The following EBPL variants were observed in gnomAD, a reference collection of about 807,000 sequenced individuals.
EBPL encodes emopamil-binding protein-like.
In EBPL, 20 loss-of-function variants were observed where a neutral mutation model predicts 19.0. That is an observed-to-expected ratio of 1.05 (90% CI 0.74 to 1.53). The LOEUF (loss-of-function observed/expected upper bound fraction) is 1.53. Among genes scored for constraint, EBPL ranks in the 40% most tolerant of loss-of-function variants. EBPL has a pLI of 0.00. For missense variants in EBPL, 219 were observed against 261.1 expected, an observed-to-expected ratio of 0.84 and a Z score of 1.11; for synonymous variants, 107 against 117.0, an observed-to-expected ratio of 0.91 and a Z score of 0.55.
chr13:49,673,140 G>A (rs997848197), intron 1 of EBPL, among the ~76,000 whole-genome samples: 1 of 152,004 alleles, frequency 6.6e-6, no homozygotes, highest in African/African-American at 2.4e-5. Flanking sequence ...TGGCAACATC[G>A]AATACTGGTG....
chr13:49,678,165 G>T (rs1472335608), intron 1 of EBPL, among the ~76,000 whole-genome samples: 2 of 152,168 alleles, frequency 1.3e-5, no homozygotes, highest in Non-Finnish European at 2.9e-5. Flanking sequence ...GTGCGTTTAC[G>T]AACCTTGAGC....
chr13:49,682,982 T>C (rs1318655643), intron 1 of EBPL, among the ~76,000 whole-genome samples: 1 of 152,022 alleles, frequency 6.6e-6, no homozygotes, highest in Non-Finnish European at 1.5e-5. Context: ...CATTCATCCA[T>C]GAATTTATTG....
chr13:49,679,460 G>A lies in EBPL; in HGVS notation c.172-9614C>T, dbSNP rs527565216. Reference sequence around the variant, plus strand: ...AATTGGGAAGGCAGGGCTCCACTAGGTGTCAGGCGTGATATGGTTAAGCTT... The same window carrying A: ...AATTGGGAAGGCAGGGCTCCACTAGATGTCAGGCGTGATATGGTTAAGCTT... On this transcript the variant is annotated intron_variant, in intron 1 of 3. Transcript: ENST00000242827. Among the ~76,000 whole-genome samples, 5 of 152,316 alleles carry A rather than the reference G, an allele frequency of 3.3e-5. No homozygotes were observed. The East Asian group carries it at 7.7e-4, about 24-fold the overall frequency.
At position 49,666,050 on chromosome 13, in the gene EBPL, T is replaced by C. The variant is rs191322562; in HGVS notation, c.242-2855A>G. 5.1e-4 allele frequency among the ~76,000 whole-genome samples: 78 copies of C among 152,290 alleles called. 1 individual carries two copies. Among genetic ancestry groups the C allele is most frequent in the African/African-American group, 1.7e-3 (72 of 41,554 alleles). On this transcript the variant is annotated intron_variant, in intron 2 of 3. Coordinates refer to ENST00000242827, the MANE Select transcript of EBPL (RefSeq NM_032565.5). ...GAGGAGGTTTATTAGTTGCACACAC[T>C]GTGGCCCGGGAAAGGAGGACATCTC...
intron 1 of EBPL, among the ~76,000 whole-genome samples, chr13:49,674,248 G>A (rs867056147): frequency 5.9e-5 from 9 of 152,152 alleles, no homozygotes; most frequent in Middle Eastern, 3.4e-3. Flanking sequence ...GGTTACAGGT[G>A]CCCGCCACCA....
chr13:49,666,728 A>AC (rs1266350056), intron 2 of EBPL, among the ~76,000 whole-genome samples: 3 of 150,570 alleles, frequency 2.0e-5, no homozygotes, highest in South Asian at 4.3e-4. Context: ...AAAAAAAAAA[A>AC]AAAAAACAAA....
At position 49,691,368 on chromosome 13, in the gene EBPL, G is replaced by C. The variant is rs1164542214; in HGVS notation, c.57C>G (p.Ala19=). ...AEAGGSLLLC[A]ALLAAGCALG... ...GGGCGCAGCCCGCCGCCAGCAGCGC[G>C]GCGCACAGCAGCAGCGAACCGCCAG... is the stretch of plus-strand genomic sequence containing the variant. Residue 19 remains alanine, a synonymous_variant, in exon 1 of 4, where the codon GCC becomes GCG. Coordinates refer to ENST00000242827, the MANE Select transcript of EBPL (RefSeq NM_032565.5). The C allele has an allele frequency of 1.5e-6, 2 of 1,365,136 alleles. No homozygotes were observed. The highest frequency in any genetic ancestry group is 1.9e-6 in the Non-Finnish European group (2 of 1,056,356). 84.6% of individuals were successfully genotyped at this position (1,365,136 alleles called of 1,614,324 possible). A position where few individuals can be genotyped will look rare whatever the true frequency, so the allele number is the denominator to read the frequency against.
At chr13:49,672,893 A>G (rs1325910926) in intron 1 of EBPL, among the ~76,000 whole-genome samples, 1 of 152,126 alleles carries the variant, frequency 6.6e-6, no homozygotes, top group Non-Finnish European at 1.5e-5. Context: ...CCCCACCTCT[A>G]CTAATAATAC....
At position 49,691,247 on chromosome 13, in the gene EBPL, C is replaced by A; in HGVS notation, c.171+7G>T. On this transcript the variant is annotated splice_region_variant and intron_variant, in intron 1 of 3. Transcript: ENST00000242827. ...GGGGAGTGCAGGGTCTAGGCGATGG[C>A]ACTTACCAGCGCGAAGTGCACCAGC... 1 of 1,382,414 alleles carries A rather than the reference C, an allele frequency of 7.2e-7. No homozygotes were observed. The highest frequency in any genetic ancestry group is 9.4e-7 in the Non-Finnish European group (1 of 1,066,416). 85.6% of individuals were successfully genotyped at this position (1,382,414 alleles called of 1,614,324 possible).
chr13:49,683,311 G>A (rs921526472), intron 1 of EBPL, among the ~76,000 whole-genome samples: 2 of 151,912 alleles, frequency 1.3e-5, no homozygotes, highest in Admixed American at 6.5e-5. Flanking sequence ...CAGATCATGA[G>A]GTCAGGAGAT....
chr13:49,679,112 A>C (rs1397525125), intron 1 of EBPL, among the ~76,000 whole-genome samples: 1 of 152,088 alleles, frequency 6.6e-6, no homozygotes, highest in African/African-American at 2.4e-5. Context: ...TTTGCCAGGC[A>C]CCAAAATTAT....
At chr13:49,668,404 T>A (rs1249608949) in intron 2 of EBPL, 1 of 237,622 alleles carries the variant, frequency 4.2e-6, no homozygotes, top group East Asian at 1.7e-4. Context: ...AAACCCCGTC[T>A]CTACTAAAAA....
At chr13:49,668,296 A>C (rs1031568038) in intron 2 of EBPL, 1 of 190,544 alleles carries the variant, frequency 5.2e-6, no homozygotes, top group South Asian at 7.3e-5. Flanking sequence ...TATATGGGCC[A>C]GGCGCGGTGG....
chr13:49,691,331 G>T lies in EBPL; in HGVS notation c.94C>A (p.Leu32Met). 1 of 1,367,712 alleles carries T rather than the reference G, an allele frequency of 7.3e-7. No homozygotes were observed. The highest frequency in any genetic ancestry group is 3.2e-5 in the Admixed American group (1 of 31,740). The allele number at this position is 1,367,712 out of a possible 1,614,324, so 84.7% of individuals were successfully genotyped here. A position where few individuals can be genotyped will look rare whatever the true frequency, so the allele number is the denominator to read the frequency against. Residue 32 changes from leucine (L) to methionine (M), a missense_variant, in exon 1 of 4, where the codon CTG (leucine) becomes ATG (methionine). Around this residue, in one of 2 missense-constraint regions of EBPL, gnomAD observed 170 missense variants for 167.0 expected, o/e 1.02. Coordinates refer to ENST00000242827, the MANE Select transcript of EBPL (RefSeq NM_032565.5). ...LAAGCALGLR[L>M]GRGQGAADRG... ...TCCGCCGCCCCCTGCCCGCGGCCCA[G>T]GCGCAGGCCCAGGGCGCAGCCCGCC...
chr13:49,682,349 A>G (rs1953951586), intron 1 of EBPL, among the ~76,000 whole-genome samples: 1 of 152,224 alleles, frequency 6.6e-6, no homozygotes, highest in African/African-American at 2.4e-5. Context: ...TTCTCAGATT[A>G]AAGATGTGAA....
chr13:49,665,920 T>C (rs1362614320), intron 2 of EBPL, among the ~76,000 whole-genome samples: 1 of 151,464 alleles, frequency 6.6e-6, no homozygotes, highest in African/African-American at 2.4e-5. Context: ...CTGGAGGAGG[T>C]GTTTTGATCA....
chr13:49,691,074 T>C (rs1040359828), intron 1 of EBPL, among the ~76,000 whole-genome samples, 180 bp downstream of exon 1: 1 of 152,202 alleles, frequency 6.6e-6, no homozygotes, highest in Non-Finnish European at 1.5e-5. Flanking sequence ...TTCACAGACC[T>C]GGGAATCAGA....
chr13:49,676,524 G>A (rs1047157516), intron 1 of EBPL, among the ~76,000 whole-genome samples: 5 of 152,092 alleles, frequency 3.3e-5, no homozygotes, highest in East Asian at 3.9e-4. Context: ...CCCGGGAGGC[G>A]GAGCTTCCAG....
chr13:49,686,352 C>T, intron 1 of EBPL: 1 of 1,082,550 alleles, frequency 9.2e-7, no homozygotes, highest in Non-Finnish European at 1.2e-6. Context: ...ACCAAACCTC[C>T]TGCAGGGCTT....
Sources: gnomAD v4.1 joint callset for allele counts (sites outside exome capture counted in the v4.1 genomes callset) on GRCh38, gnomAD v4.1.1 for gene constraint, gnomAD v4.1.1 regional missense constraint, MANE v1.5 for transcripts, NCBI Gene and HGNC (gene_info 2026-07-23, HGNC 2026-07-21) for gene names.